The following ZBTB46 variants were observed in gnomAD, a reference collection of about 807,000 sequenced individuals.
ZBTB46 encodes the protein zinc finger and BTB domain-containing protein 46.
ZBTB46 carries 8 observed loss-of-function variants against 44.1 expected under a neutral mutation model. The ratio of observed to expected loss-of-function variants is 0.18; its 90% confidence interval spans 0.11 to 0.33. ZBTB46 has a LOEUF of 0.33. Ranked by LOEUF, ZBTB46 falls within the 10% of genes least tolerant of loss-of-function variation. ZBTB46 has a pLI of 1.00. For synonymous variants in ZBTB46, 409 were observed against 382.3 expected, an observed-to-expected ratio of 1.07 and a Z score of -0.81; for missense variants, 651 against 847.7, an observed-to-expected ratio of 0.77 and a Z score of 2.88.
upstream of ZBTB46, among the ~76,000 whole-genome samples, chr20:63,832,670 A>C (rs1030416602): frequency 6.6e-6 from 1 of 151,756 alleles, no homozygotes; most frequent in Admixed American, 6.6e-5. The surrounding 1 kb of genome is among the most constrained non-coding windows in gnomAD (Gnocchi z 5.0). Context: ...TCCCCTCGCC[A>C]AGGTCGCCGG....
chr20:63,818,112 C>T (rs1214379519), intron 1 of ZBTB46, among the ~76,000 whole-genome samples: 6 of 152,190 alleles, frequency 3.9e-5, no homozygotes, highest in Non-Finnish European at 7.3e-5. Context: ...TGGTCCCATC[C>T]GCCAGGGACC....
chr20:63,805,558 A>G (rs988209596), intron 1 of ZBTB46, among the ~76,000 whole-genome samples: 3 of 152,190 alleles, frequency 2.0e-5, no homozygotes, highest in Non-Finnish European at 4.4e-5. Flanking sequence ...GGATGCCTGG[A>G]GCCACCAGGA....
intron 2 of ZBTB46, among the ~76,000 whole-genome samples, chr20:63,777,292 G>A (rs927156760): frequency 1.2e-4 from 19 of 152,086 alleles, no homozygotes; most frequent in Non-Finnish European, 2.1e-4. Flanking sequence ...CAACACAGCA[G>A]GACAAAAAGT....
At chr20:63,785,822 C>T (rs551448313) in intron 2 of ZBTB46, among the ~76,000 whole-genome samples, 1 of 152,314 alleles carries the variant, frequency 6.6e-6, no homozygotes, top group Admixed American at 6.5e-5. Context: ...CTCATCTTAG[C>T]AACTCGGAAT....
Position 63,790,176 on chromosome 20 carries a change from G to A in ZBTB46, c.582C>T (p.Ser194=), listed in dbSNP as rs1215978325. The part of the protein sequence containing the change: ...SAIASCHDGG[S]SYGKEDQEPK... ...GCTCCTGATCCTCTTTCCCGTAGCT[G>A]CTCCCTCCGTCGTGACAGCTGGCGA... Residue 194 remains serine, a synonymous_variant, in exon 2 of 5, where the codon AGC becomes AGT. Transcript: ENST00000245663. The A allele has an allele frequency of 5.0e-6, 8 of 1,613,756 alleles. No individual in the cohort carries two copies. The highest frequency in any genetic ancestry group is 1.3e-5 in the African/African-American group (1 of 75,066).
Position 63,783,559 on chromosome 20 carries a change from C to T in ZBTB46, c.937+6262G>A, listed in dbSNP as rs149604671. On this transcript the variant is annotated intron_variant, in intron 2 of 4. Coordinates refer to ENST00000245663, the MANE Select transcript of ZBTB46 (RefSeq NM_001369741.1). ...GTCTCTGTCCCCGTCACCAGCTGCT[C>T]CCCAACAGACTGTAATGTGATCAAA... Among the ~76,000 whole-genome samples the T allele has an allele frequency of 2.0e-5, 3 of 152,306 alleles. No individual in the cohort carries two copies. In the East Asian group the frequency reaches 5.8e-4, roughly 29 times the overall value.
chr20:63,751,273 C>T (rs1313008608), intron 4 of ZBTB46, among the ~76,000 whole-genome samples: 1 of 152,206 alleles, frequency 6.6e-6, no homozygotes, highest in East Asian at 1.9e-4. Flanking sequence ...GCCTTGCAGA[C>T]CTGCCATCTC....
chr20:63,827,822 CAACAG>C (rs1211769101), intron 1 of ZBTB46, among the ~76,000 whole-genome samples: 1 of 152,220 alleles, frequency 6.6e-6, no homozygotes, highest in Non-Finnish European at 1.5e-5. Context: ...CAGAACCATT[CAACAG>C]AACACTTTGC....
At chr20:63,785,563 TAAAA>T (rs1045213194) in intron 2 of ZBTB46, among the ~76,000 whole-genome samples, 1 of 151,866 alleles carries the variant, frequency 6.6e-6, no homozygotes, top group Non-Finnish European at 1.5e-5. Context: ...GTCTCAAAAA[TAAAA>T]AAAATTTAAA....
At chr20:63,823,790 G>A (rs1046465025) in intron 1 of ZBTB46, among the ~76,000 whole-genome samples, 16 of 151,470 alleles carry the variant, frequency 1.1e-4, no homozygotes, top group Non-Finnish European at 1.9e-4. Flanking sequence ...AAGTTTTCTC[G>A]TTGTGGTGTC....
chr20:63,764,668 T>C (rs2092304075), intron 3 of ZBTB46, among the ~76,000 whole-genome samples: 1 of 151,474 alleles, frequency 6.6e-6, no homozygotes, highest in Admixed American at 6.6e-5. Context: ...AATGGCTCGA[T>C]CTCAGCTCAC....
At chr20:63,765,432 G>GTT (rs1004592371) in intron 3 of ZBTB46, among the ~76,000 whole-genome samples, 3 of 152,082 alleles carry the variant, frequency 2.0e-5, no homozygotes, top group Non-Finnish European at 4.4e-5. Flanking sequence ...ATGTGTGGGC[G>GTT]TTTCTTTTCT....
At chr20:63,783,836 A>C (rs937974461) in intron 2 of ZBTB46, among the ~76,000 whole-genome samples, 1 of 152,202 alleles carries the variant, frequency 6.6e-6, no homozygotes, top group Non-Finnish European at 1.5e-5. Context: ...GACCATCCCA[A>C]GTGCAGGAAA....
At chr20:63,785,559 A>G (rs1266403791) in intron 2 of ZBTB46, among the ~76,000 whole-genome samples, 1 of 152,202 alleles carries the variant, frequency 6.6e-6, no homozygotes, top group African/African-American at 2.4e-5. Context: ...CTCTGTCTCA[A>G]AAATAAAAAA....
At chr20:63,766,205 C>CTT (rs10525501) in intron 3 of ZBTB46, among the ~76,000 whole-genome samples, 14 of 81,718 alleles carry the variant, frequency 1.7e-4, no homozygotes, top group Non-Finnish European at 2.5e-4. Flanking sequence ...CTGAGAGATC[C>CTT]TTTTTTTTTT....
At chr20:63,777,429 T>C (rs1008100634) in intron 2 of ZBTB46, among the ~76,000 whole-genome samples, 2 of 152,192 alleles carry the variant, frequency 1.3e-5, no homozygotes, top group Admixed American at 6.5e-5. Flanking sequence ...ATCGAGCCAC[T>C]GTACTCCAGT....
rs2092527903 is a variant in ZBTB46, at chr20:63,787,813, T to G, written c.937+2008A>C. The stretch of plus-strand genomic sequence containing the variant: ...TCTACCACAATGATAAAAGTTAACG[T>G]ATTATCGAGCTGTGTTCACTCCCGG... On this transcript the variant is annotated intron_variant, in intron 2 of 4. Transcript: ENST00000245663. This position sits in a 1 kb window ranked among gnomAD's most constrained non-coding sequence, Gnocchi z 4.6. The G allele has an allele frequency of 6.6e-6, 1 of 152,216 alleles. No individual in the cohort carries two copies. The highest frequency in any genetic ancestry group is 2.4e-5 in the African/African-American group (1 of 41,450). 9.4% of individuals were successfully genotyped at this position (152,216 alleles called of 1,614,324 possible).
chr20:63,775,428 C>G (rs1052405182), intron 3 of ZBTB46: 2 of 432,204 alleles, frequency 4.6e-6, no homozygotes, highest in East Asian at 3.6e-5. Flanking sequence ...AGCAAGCACT[C>G]GGCTGCTCCC....
intron 1 of ZBTB46, among the ~76,000 whole-genome samples, chr20:63,828,391 T>C (rs1006205432): frequency 1.4e-4 from 21 of 152,226 alleles, no homozygotes; most frequent in African/African-American, 2.2e-4. Flanking sequence ...GTGGCCTTAA[T>C]AGAGATTTTG....
Sources: allele counts gnomAD v4.1 joint callset (sites outside exome capture counted in the v4.1 genomes callset), GRCh38; gene constraint gnomAD v4.1.1; non-coding constraint Gnocchi (gnomAD v3.1); transcripts MANE v1.5; gene names NCBI Gene and HGNC (gene_info 2026-07-23, HGNC 2026-07-21).